The following RPS6KC1 variants were observed in gnomAD, a reference collection of about 807,000 sequenced individuals.
The protein encoded by RPS6KC1 is ribosomal protein S6 kinase C1.
RPS6KC1 carries 54 observed loss-of-function variants against 103.8 expected under a neutral mutation model. That is an observed-to-expected ratio of 0.52 (90% CI 0.42 to 0.65). The LOEUF (loss-of-function observed/expected upper bound fraction) is 0.65. Ranked by LOEUF, RPS6KC1 falls within the 30% of genes least tolerant of loss-of-function variation. The pLI is 0.00. For synonymous variants in RPS6KC1, 439 were observed against 438.7 expected, an observed-to-expected ratio of 1.00 and a Z score of -0.01; for missense variants, 1,151 against 1,253.8, an observed-to-expected ratio of 0.92 and a Z score of 1.24.
the RPS6KC1 span, among the ~76,000 whole-genome samples, chr1:213,632,652 G>T: frequency 2.9e-4 from 44 of 152,296 alleles, no homozygotes; most frequent in South Asian, 9.1e-3. Context: ...CCAAAGGATC[G>T]CAGCTCCTCG....
chr1:213,420,661 C>A, the RPS6KC1 span, among the ~76,000 whole-genome samples: 7 of 152,180 alleles, frequency 4.6e-5, no homozygotes, highest in Non-Finnish European at 7.3e-5. Flanking sequence ...CCAAGGCCCA[C>A]AGGTGAATGT....
chr1:213,598,340 A>T, the RPS6KC1 span, among the ~76,000 whole-genome samples: 1 of 152,190 alleles, frequency 6.6e-6, no homozygotes, highest in African/African-American at 2.4e-5. Context: ...CGCTCAGCCC[A>T]TCCAAAAATT....
At chr1:213,792,838 C>T in the RPS6KC1 span, among the ~76,000 whole-genome samples, 4 of 151,478 alleles carry the variant, frequency 2.6e-5, no homozygotes, top group African/African-American at 7.3e-5. Flanking sequence ...CACCAACAAC[C>T]ACCCCCACCC....
chr1:213,393,059 C>T, the RPS6KC1 span, among the ~76,000 whole-genome samples: 1 of 152,206 alleles, frequency 6.6e-6, no homozygotes, highest in Non-Finnish European at 1.5e-5. Context: ...TTAGACTTGA[C>T]AATAGATGTG....
At chr1:213,298,116 C>G in the RPS6KC1 span, among the ~76,000 whole-genome samples, 1 of 152,240 alleles carries the variant, frequency 6.6e-6, no homozygotes, top group Admixed American at 6.5e-5. Context: ...GGAGCTCAGC[C>G]ACTGTCCTGA....
intron 2 of RPS6KC1, among the ~76,000 whole-genome samples, chr1:213,074,199 G>A (rs1263186821): frequency 1.3e-5 from 2 of 152,144 alleles, no homozygotes; most frequent in African/African-American, 2.4e-5. Flanking sequence ...GTTATTAAGT[G>A]TAATTATCTG....
At chr1:213,775,598 C>A in the RPS6KC1 span, among the ~76,000 whole-genome samples, 1 of 152,152 alleles carries the variant, frequency 6.6e-6, no homozygotes, top group Admixed American at 6.5e-5. Flanking sequence ...ATCATTTGAG[C>A]CTTCAGCACA....
the RPS6KC1 span, among the ~76,000 whole-genome samples, chr1:213,370,177 TGG>T: frequency 6.6e-6 from 1 of 152,072 alleles, no homozygotes; most frequent in Non-Finnish European, 1.5e-5. Context: ...TTCTCAGGGG[TGG>T]TGGGACCCCA....
At chr1:213,859,805 C>T in the RPS6KC1 span, among the ~76,000 whole-genome samples, 4 of 152,170 alleles carry the variant, frequency 2.6e-5, 1 homozygote, top group Admixed American at 1.3e-4. Context: ...TATAGTAACA[C>T]TGCTTTTGCC....
chr1:213,415,836 G>A, the RPS6KC1 span, among the ~76,000 whole-genome samples: 2 of 152,222 alleles, frequency 1.3e-5, no homozygotes, highest in African/African-American at 2.4e-5. Flanking sequence ...AATGGATGAT[G>A]AGGCCTCATG....
the RPS6KC1 span, among the ~76,000 whole-genome samples, chr1:213,496,330 T>A: frequency 1.3e-5 from 2 of 151,916 alleles, no homozygotes; most frequent in South Asian, 2.1e-4. Context: ...GAGACATCTG[T>A]AAAAAAAATA....
the RPS6KC1 span, among the ~76,000 whole-genome samples, chr1:213,321,350 G>A: frequency 6.6e-6 from 1 of 152,160 alleles, no homozygotes; most frequent in Non-Finnish European, 1.5e-5. Context: ...GTGTTCCCTT[G>A]AGGATCCCAT....
the RPS6KC1 span, among the ~76,000 whole-genome samples, chr1:213,282,831 G>C: frequency 2.0e-5 from 3 of 152,244 alleles, no homozygotes; most frequent in Non-Finnish European, 4.4e-5. Context: ...CAGGGTTTCT[G>C]CCTTCGAGGA....
chr1:213,727,192 G>C, the RPS6KC1 span, among the ~76,000 whole-genome samples: 2 of 152,196 alleles, frequency 1.3e-5, no homozygotes, highest in Admixed American at 6.5e-5. Context: ...CAGAAGGCCA[G>C]TCTGAGATTA....
At chr1:213,607,253 G>T in the RPS6KC1 span, among the ~76,000 whole-genome samples, 1 of 152,202 alleles carries the variant, frequency 6.6e-6, no homozygotes, top group Non-Finnish European at 1.5e-5. Flanking sequence ...GAGTGTTAGG[G>T]TGTGGCAATA....
At chr1:213,118,035 A>AAAAAAAAAAAAAAG (rs1161625346) in intron 5 of RPS6KC1, among the ~76,000 whole-genome samples, 18 of 149,100 alleles carry the variant, frequency 1.2e-4, no homozygotes, top group Non-Finnish European at 1.9e-4. Flanking sequence ...AAAAAAAAAA[A>AAAAAAAAAAAAAAG]AAAAGCCTTA....
At chr1:213,401,627 C>T in the RPS6KC1 span, among the ~76,000 whole-genome samples, 3 of 152,198 alleles carry the variant, frequency 2.0e-5, no homozygotes, top group Non-Finnish European at 4.4e-5. Flanking sequence ...CCGGAACTCT[C>T]TCCAGAGTGG....
intron 5 of RPS6KC1, among the ~76,000 whole-genome samples, chr1:213,118,060 G>A (rs114187404): frequency 0.017 from 1,782 of 102,362 alleles, 44 homozygotes; most frequent in African/African-American, 0.053. Flanking sequence ...TTTCTTTAGC[G>A]CATCTGACTT....
chr1:213,652,092 T>A, the RPS6KC1 span, among the ~76,000 whole-genome samples: 1 of 152,366 alleles, frequency 6.6e-6, no homozygotes, highest in African/African-American at 2.4e-5. Context: ...AGTAATTTTA[T>A]AATGTTAATT....
Sources: allele counts gnomAD v4.1 joint callset (sites outside exome capture counted in the v4.1 genomes callset), GRCh38; gene constraint gnomAD v4.1.1; transcripts MANE v1.5; gene names NCBI Gene and HGNC (gene_info 2026-07-23, HGNC 2026-07-21).